Variants in TRIP13 observed in about 807,000 individuals in gnomAD.
The protein encoded by TRIP13 is thyroid hormone receptor interactor 13, also known as pachytene checkpoint protein 2 homolog.
Under a neutral mutation model 54.4 loss-of-function variants are expected in TRIP13, and 25 were observed. The ratio of observed to expected loss-of-function variants is 0.46; its 90% CI spans 0.33 to 0.64. The LOEUF is 0.64. Among genes scored for constraint, TRIP13 ranks in the 30% least tolerant of loss-of-function variants. The pLI, the probability that TRIP13 is intolerant of heterozygous loss-of-function variation, is 0.02. For missense variants in TRIP13, 373 were observed against 534.2 expected (o/e 0.70, Z 2.97); for synonymous variants, 207 against 207.8 (o/e 1.00, Z 0.03).
intron 1 of TRIP13, 65 bp downstream of exon 1, chr5:893,155 G>C (rs1753725023): frequency 2.9e-5 from 33 of 1,149,478 alleles, no homozygotes; most frequent in Non-Finnish European, 3.7e-5. Flanking sequence ...CGCGTGCACC[G>C]AGCCCCGACC....
chr5:900,402 G>A (rs1753958183), intron 3 of TRIP13, 92 bp from the exon 4 acceptor site: 2 of 1,262,498 alleles, frequency 1.6e-6, no homozygotes, highest in East Asian at 2.4e-5. Context: ...AGCACAATGG[G>A]AAGCTCAGGC....
rs893173257 is a variant in TRIP13 at position 913,223 on chromosome 5, C to T, written c.1020+1227C>T. 5.3e-5 allele frequency among the ~76,000 whole-genome samples: 8 copies of T among 152,196 alleles called. No homozygotes were observed. Among genetic ancestry groups the T allele is most frequent in the African/African-American group, 1.9e-4 (8 of 41,442 alleles). ...TGTGTTGGAGGTCCTCACGCACCTT[C>T]AGTGTGGGTTCCAGCCCTCGCAGTG... On this transcript the variant is annotated intron_variant, in intron 10 of 12. Coordinates refer to ENST00000166345, the MANE Select transcript of TRIP13 (RefSeq NM_004237.4). This position sits in a 1 kb window ranked among gnomAD's most constrained non-coding sequence, Gnocchi z 4.5.
At chr5:895,599 C>T (rs1229796494) in intron 2 of TRIP13, among the ~76,000 whole-genome samples, 1 of 152,210 alleles carries the variant, frequency 6.6e-6, no homozygotes, top group Non-Finnish European at 1.5e-5. Context: ...TACGTTAGGA[C>T]TCATGTTTGT....
intron 5 of TRIP13, among the ~76,000 whole-genome samples, chr5:902,465 C>T (rs116473532): frequency 0.017 from 2,596 of 152,294 alleles, 84 homozygotes; most frequent in African/African-American, 0.06. Flanking sequence ...GAACCAGTTA[C>T]GTATTTCCTC....
chr5:916,397 T>C (rs1276471117), intron 12 of TRIP13, among the ~76,000 whole-genome samples: 1 of 152,338 alleles, frequency 6.6e-6, no homozygotes, highest in African/African-American at 2.4e-5. Context: ...TCCCCTGCAC[T>C]GTCCCCAGCA....
At chr5:900,169 A>C (rs1437341775) in intron 3 of TRIP13, among the ~76,000 whole-genome samples, 3 of 152,268 alleles carry the variant, frequency 2.0e-5, no homozygotes, top group East Asian at 1.9e-4. Flanking sequence ...AAATGACAAC[A>C]ATACCTTAAA....
At chr5:909,929 G>A (rs189562735) in intron 9 of TRIP13, among the ~76,000 whole-genome samples, 9 of 152,336 alleles carry the variant, frequency 5.9e-5, no homozygotes, top group South Asian at 2.1e-4. Context: ...CTGGTAAACC[G>A]ACAACCTTCT....
chr5:895,916 A>G (rs1023275409), intron 2 of TRIP13, among the ~76,000 whole-genome samples: 11 of 152,140 alleles, frequency 7.2e-5, no homozygotes, highest in African/African-American at 2.2e-4. Context: ...TAGGAATTCC[A>G]TATATCTACA....
In TRIP13 at chr5:911,770, C is replaced by T; in HGVS notation, c.867-73C>T. 6.6e-7 allele frequency: 1 copy of T among 1,525,252 alleles called. No individual in the cohort carries two copies. The highest frequency in any genetic ancestry group is 2.2e-5 in the Admixed American group (1 of 46,080). 94.5% of individuals were successfully genotyped at this position (1,525,252 alleles called of 1,614,324 possible). On this transcript the variant is annotated intron_variant, in intron 9 of 12. Coordinates refer to ENST00000166345, the MANE Select transcript of TRIP13 (RefSeq NM_004237.4). This position sits in a 1 kb window ranked among gnomAD's most constrained non-coding sequence, Gnocchi z 4.7. ...GGCCATCGTCCTGCCAACCTCCTTG[C>T]CAGATAGGGCAGGATAGAATTGGGT...
rs955215932 is a variant in TRIP13, at chr5:893,159, C to T, written c.92+69C>T. On this transcript the variant is annotated intron_variant, in intron 1 of 12. Coordinates refer to ENST00000166345, the MANE Select transcript of TRIP13 (RefSeq NM_004237.4). The stretch of plus-strand genomic sequence containing the variant: ...CCCGACCCCAGCGCGTGCACCGAGC[C>T]CCGACCCCAGCGCACTGATTCTGAT... 3 of 1,420,908 alleles carry T rather than the reference C, an allele frequency of 2.1e-6. No homozygotes were observed. In the African/African-American group the frequency reaches 4.4e-5, roughly 21 times the overall value. The allele number at this position is 1,420,908 out of a possible 1,614,324, so 88.0% of individuals were successfully genotyped here.
rs549880890 is a variant in TRIP13, at chr5:912,621, G to A, written c.1020+625G>A. Among the ~76,000 whole-genome samples, 2 of 151,206 alleles carry A rather than the reference G, an allele frequency of 1.3e-5. No individual in the cohort carries two copies. Among genetic ancestry groups the A allele is most frequent in the Non-Finnish European group, 2.9e-5 (2 of 67,846 alleles). ...GCGGTGAGTGTGAGTCAGGAGGGCC[G>A]TCGCCACGGGCACAATGACATGTGC... On this transcript the variant is annotated intron_variant, in intron 10 of 12. Coordinates refer to ENST00000166345, the MANE Select transcript of TRIP13 (RefSeq NM_004237.4). The surrounding 1 kb of genome is among the most constrained non-coding windows in gnomAD (Gnocchi z 7.2).
chr5:914,386 G>A, intron 10 of TRIP13, 79 bp from the exon 11 acceptor site: 1 of 944,332 alleles, frequency 1.1e-6, no homozygotes, highest in Non-Finnish European at 1.7e-6. Flanking sequence ...TGACCTGCAG[G>A]TGCTGTCCCT....
Position 915,823 on chromosome 5 carries a change from G to A in TRIP13, c.1134-81G>A. The A allele has an allele frequency of 6.8e-7, 1 of 1,479,304 alleles. No individual in the cohort carries two copies. Among genetic ancestry groups the A allele is most frequent in the Non-Finnish European group, 9.4e-7 (1 of 1,058,648 alleles). The allele number at this position is 1,479,304 out of a possible 1,614,324, so 91.6% of individuals were successfully genotyped here. ...CGCCTCGGCTTGTGTTCCCAGGGAT[G>A]CCTCGGCCAATGAGGAAAATTAGTC... On this transcript the variant is annotated intron_variant, in intron 11 of 12. Coordinates refer to ENST00000166345, the MANE Select transcript of TRIP13 (RefSeq NM_004237.4). This position sits in a 1 kb window ranked among gnomAD's most constrained non-coding sequence, Gnocchi z 4.2.
In TRIP13 at chr5:893,103, T is replaced by C; in HGVS notation, c.92+13T>C. 6.3e-7 allele frequency: 1 copy of C among 1,579,942 alleles called. No individual in the cohort carries two copies. Among genetic ancestry groups the C allele is most frequent in the South Asian group, 1.1e-5 (1 of 87,006 alleles). On this transcript the variant is annotated intron_variant, in intron 1 of 12. Coordinates refer to ENST00000166345, the MANE Select transcript of TRIP13 (RefSeq NM_004237.4). ...AGCGCGGCAGCAGGTGAGCCGGACC[T>C]GTCCGACACATCCTCTGGGCACCCA... is the stretch of plus-strand genomic sequence containing the variant.
chr5:893,011 G>T lies in TRIP13; in HGVS notation c.13G>T (p.Val5Leu), dbSNP rs759352780. The stretch of plus-strand genomic sequence containing the variant: ...TCTCGGGGGCGCCATGGACGAGGCC[G>T]TGGGCGACCTGAAGCAGGCGCTTCC... MDEA[V>L]GDLKQALPCV... is the part of the protein sequence containing the mutation. The change falls in exon 1 of 13, where the codon GTG (valine) becomes TTG (leucine). Residue 5 changes from valine to leucine, a missense_variant. Physicochemically the swap from Val to Leu is conservative, Grantham distance 32 (BLOSUM62 1). Transcript: ENST00000166345. The T allele has an allele frequency of 1.3e-5, 20 of 1,563,396 alleles. No homozygotes were observed. In the Admixed American group the frequency reaches 3.6e-4, roughly 28 times the overall value.
chr5:893,089 A>C lies in TRIP13; in HGVS notation c.91A>C (p.Ser31Arg). 1 of 1,591,020 alleles carries C rather than the reference A, an allele frequency of 6.3e-7. No homozygotes were observed. The highest frequency in any genetic ancestry group is 2.3e-5 in the East Asian group (1 of 44,158). The change falls in exon 1 of 13, where the codon AGC becomes CGC. Residue 31 changes from serine to arginine, a missense_variant and splice_region_variant. Transcript: ENST00000166345. ...CGTGGAGGTGCATCAGCGCGGCAGC[A>C]GGTGAGCCGGACCTGTCCGACACAT... ...VHVEVHQRGSSTAKKEDINLS... is the reference protein window; with the variant it reads ...VHVEVHQRGSRTAKKEDINLS...
At position 908,252 on chromosome 5, in the gene TRIP13, CCATT is replaced by C; in HGVS notation, c.760-95_760-92del. 7.0e-7 allele frequency: 1 copy of C among 1,437,524 alleles called. No individual in the cohort carries two copies. Among genetic ancestry groups the C allele is most frequent in the Non-Finnish European group, 9.7e-7 (1 of 1,033,920 alleles). The allele number at this position is 1,437,524 out of a possible 1,614,324, so 89.0% of individuals were successfully genotyped here. On this transcript the variant is annotated intron_variant, in intron 8 of 12. Coordinates refer to ENST00000166345, the MANE Select transcript of TRIP13 (RefSeq NM_004237.4). This position sits in a 1 kb window ranked among gnomAD's most constrained non-coding sequence, Gnocchi z 5.2. ...ATCCGCAGGCTAGGCACGGGAACAC[CCATT>C]CATTCATCTTTTTCACGTGCTCAGC...
At chr5:914,437 C>T in intron 10 of TRIP13, 28 bp from the exon 11 acceptor site, 3 of 1,574,376 alleles carry the variant, frequency 1.9e-6, no homozygotes, top group South Asian at 1.1e-5. Context: ...GTGGACTCAG[C>T]TAACCGCCTG....
chr5:896,870 G>T (rs867729676), intron 3 of TRIP13, 76 bp downstream of exon 3: 63 of 1,465,096 alleles, frequency 4.3e-5, no homozygotes, highest in East Asian at 1.4e-4. Flanking sequence ...CAGTTCACAG[G>T]GGGGGTTCTG....
Sources: allele counts gnomAD v4.1 joint callset (sites outside exome capture counted in the v4.1 genomes callset), GRCh38; gene constraint gnomAD v4.1.1; non-coding constraint Gnocchi (gnomAD v3.1); transcripts MANE v1.5; gene names NCBI Gene and HGNC (gene_info 2026-07-23, HGNC 2026-07-21).